RARB: variants seen among roughly 807,000 people sequenced by gnomAD.
RARB encodes retinoic acid receptor beta, also known as HBV-activated protein.
In RARB, 17 loss-of-function variants were observed where a neutral mutation model predicts 51.9. The ratio of observed to expected loss-of-function variants is 0.33; its 90% CI spans 0.22 to 0.49. The LOEUF is 0.49. Among genes scored for constraint, RARB ranks in the 20% least tolerant of loss-of-function variants. RARB has a pLI of 0.99. For missense variants in RARB, 369 were observed against 550.8 expected (o/e 0.67, Z 3.30); for synonymous variants, 215 against 195.4 (o/e 1.10, Z -0.84).
At chr3:24,893,899 A>T (rs914804067) in intron 2 of RARB, among the ~76,000 whole-genome samples, 1 of 152,162 alleles carries the variant, frequency 6.6e-6, no homozygotes, top group Non-Finnish European at 1.5e-5. Context: ...CTTGCTTTTC[A>T]GATAAAGCCA....
intron 4 of RARB, among the ~76,000 whole-genome samples, chr3:25,571,138 G>A (rs1250709558): frequency 3.3e-5 from 5 of 152,354 alleles, no homozygotes; most frequent in South Asian, 2.1e-4. Context: ...ACACAGTTGG[G>A]TGGCACCAGC....
Position 24,840,490 on chromosome 3 carries a change from G to A in RARB, c.-459+11087G>A, listed in dbSNP as rs539267644. Among the ~76,000 whole-genome samples, 5 of 152,202 alleles carry A rather than the reference G, an allele frequency of 3.3e-5. No homozygotes were observed. The South Asian group carries it at 1.0e-3, about 32-fold the overall frequency. ...TCGTAGTGACAGTTTTGGACTTGAT[G>A]CCTAAGGACCTGATGCAAGTATTGC... On this transcript the variant is annotated intron_variant, in intron 1 of 11. Transcript: ENST00000383772.
At chr3:25,576,017 G>A (rs763437409) in intron 4 of RARB, among the ~76,000 whole-genome samples, 2 of 152,070 alleles carry the variant, frequency 1.3e-5, no homozygotes, top group South Asian at 2.1e-4. Flanking sequence ...GAAGAAAAAT[G>A]TTCTGTAGGC....
intron 3 of RARB, among the ~76,000 whole-genome samples, chr3:25,088,766 G>GT (rs1378891816): frequency 6.6e-6 from 1 of 152,126 alleles, no homozygotes; most frequent in African/African-American, 2.4e-5. Context: ...TTTGACATTA[G>GT]TATTTCAAGT....
intron 3 of RARB, among the ~76,000 whole-genome samples, chr3:25,505,685 T>G (rs1228576732): frequency 1.3e-5 from 2 of 152,140 alleles, no homozygotes; most frequent in East Asian, 1.9e-4. Context: ...AAAAACTCGA[T>G]TTTTAGCAGC....
rs201390361 is a variant in RARB, at chr3:25,070,537, CA to C, written c.-328+10362del. ...ATGAAATAATCAAAATAAGACCCCC[CA>C]CCCATTGTTTACAGAAATAGAAAAT... is the stretch of plus-strand genomic sequence containing the variant. On this transcript the variant is annotated intron_variant, in intron 3 of 11. Transcript: ENST00000383772. Among the ~76,000 whole-genome samples the C allele has an allele frequency of 3.8e-5, 3 of 79,574 alleles. No individual in the cohort carries two copies. The South Asian group carries it at 8.7e-4, about 23-fold the overall frequency. The allele number at this position is 79,574 out of a possible 152,430, so 52.2% of individuals were successfully genotyped here.
intron 5 of RARB, among the ~76,000 whole-genome samples, chr3:25,216,822 T>G (rs1701845645): frequency 6.6e-6 from 1 of 151,890 alleles, no homozygotes; most frequent in Non-Finnish European, 1.5e-5. Flanking sequence ...TAGTCTATAG[T>G]TTTGCTCCTC....
chr3:25,473,738 T>A (rs199684010), intron 2 of RARB, among the ~76,000 whole-genome samples: 1 of 152,200 alleles, frequency 6.6e-6, no homozygotes, highest in East Asian at 1.9e-4. Flanking sequence ...TGTTCTCAAG[T>A]GTTTCTGAGG....
At chr3:25,275,594 T>A (rs1477807119) in intron 5 of RARB, among the ~76,000 whole-genome samples, 1 of 152,222 alleles carries the variant, frequency 6.6e-6, no homozygotes, top group Non-Finnish European at 1.5e-5. Context: ...ATCCTGCATA[T>A]TCAAGAACTA....
At chr3:25,127,240 T>A (rs1699875112) in intron 3 of RARB, among the ~76,000 whole-genome samples, 1 of 152,140 alleles carries the variant, frequency 6.6e-6, no homozygotes, top group African/African-American at 2.4e-5. Flanking sequence ...ATACAAGAGA[T>A]ACCTGATCTG....
At chr3:25,326,024 AAGG>A (rs1704707100) in intron 5 of RARB, among the ~76,000 whole-genome samples, 2 of 152,246 alleles carry the variant, frequency 1.3e-5, no homozygotes, top group African/African-American at 2.4e-5. Flanking sequence ...GAAAGAAGAT[AAGG>A]AGATTTATTG....
At chr3:25,132,798 CA>C (rs1272421338) in intron 4 of RARB, among the ~76,000 whole-genome samples, 1 of 151,784 alleles carries the variant, frequency 6.6e-6, no homozygotes, top group Non-Finnish European at 1.5e-5. Flanking sequence ...CATGATTCCA[CA>C]ATGTGTATAT....
chr3:24,835,006 C>A (rs781427593), intron 1 of RARB, among the ~76,000 whole-genome samples: 10 of 151,862 alleles, frequency 6.6e-5, no homozygotes, highest in Non-Finnish European at 1.0e-4. Context: ...TTTCCATTCT[C>A]TCTTCCCTTC....
chr3:24,982,557 C>T (rs1180947980), intron 2 of RARB, among the ~76,000 whole-genome samples: 5 of 152,320 alleles, frequency 3.3e-5, no homozygotes, highest in East Asian at 3.9e-4. Context: ...TGGGTCCCTC[C>T]ATCTTTGGTT....
chr3:25,037,326 T>G (rs1363593594), intron 2 of RARB, among the ~76,000 whole-genome samples: 1 of 152,036 alleles, frequency 6.6e-6, no homozygotes. Context: ...GCTGTTCTTC[T>G]TAATGTAGAC....
chr3:25,353,899 G>A (rs1705650946), intron 5 of RARB, among the ~76,000 whole-genome samples: 1 of 152,050 alleles, frequency 6.6e-6, no homozygotes, highest in Admixed American at 6.6e-5. Flanking sequence ...TTTCTAAGGA[G>A]AGAGAACAAG....
intron 2 of RARB, among the ~76,000 whole-genome samples, chr3:24,906,367 T>C (rs1358713652): frequency 6.6e-6 from 1 of 152,218 alleles, no homozygotes; most frequent in Non-Finnish European, 1.5e-5. Context: ...AAATTCAGAA[T>C]GCTTCAGATT....
At chr3:25,484,368 A>G (rs1185461060) in intron 2 of RARB, among the ~76,000 whole-genome samples, 2 of 152,094 alleles carry the variant, frequency 1.3e-5, no homozygotes, top group Non-Finnish European at 2.9e-5. Context: ...TGAGACCGTG[A>G]TGTTGATAAT....
intron 1 of RARB, among the ~76,000 whole-genome samples, chr3:24,858,036 A>G (rs1025503481): frequency 1.2e-4 from 19 of 152,226 alleles, no homozygotes; most frequent in African/African-American, 4.6e-4. Context: ...AAATTAAGAA[A>G]ACTAAATTAT....
Sources: allele counts gnomAD v4.1 joint callset (sites outside exome capture counted in the v4.1 genomes callset), GRCh38; gene constraint gnomAD v4.1.1; transcripts MANE v1.5; gene names NCBI Gene and HGNC (gene_info 2026-07-23, HGNC 2026-07-21).